The following PAICS variants were observed in gnomAD, a reference collection of about 807,000 sequenced individuals.
PAICS encodes phosphoribosylaminoimidazole carboxylase and phosphoribosylaminoimidazolesuccinocarboxamide synthase, also known as bifunctional phosphoribosylaminoimidazole carboxylase/phosphoribosylaminoimidazole succinocarboxamide synthetase.
In PAICS, 33 loss-of-function variants were observed where a neutral mutation model predicts 53.7. The observed-to-expected ratio is 0.61, with a 90% CI of 0.47 to 0.82. The LOEUF (loss-of-function observed/expected upper bound fraction) is 0.82. Among genes scored for constraint, PAICS ranks in the 40% least tolerant of loss-of-function variants. PAICS has a pLI of 0.00. For missense variants in PAICS, 394 were observed against 494.1 expected, an observed-to-expected ratio of 0.80 and a Z score of 1.92; for synonymous variants, 141 against 167.2, an observed-to-expected ratio of 0.84 and a Z score of 1.21.
rs1316488508 is a variant in PAICS at position 56,451,857 on chromosome 4, G to A, written c.772-15G>A. ...GTTTTTATGTTCTTTTCATATCCACGTATTTTTTCTTCAGTTGCTTTTGAA... is the reference window on the plus strand; with the variant it reads ...GTTTTTATGTTCTTTTCATATCCACATATTTTTTCTTCAGTTGCTTTTGAA... On this transcript the variant is annotated splice_polypyrimidine_tract_variant and intron_variant, in intron 6 of 8. Coordinates refer to ENST00000512576, the MANE Select transcript of PAICS (RefSeq NM_001079524.2). 16 of 1,495,608 alleles carry A rather than the reference G, an allele frequency of 1.1e-5. No homozygotes were observed. The highest frequency in any genetic ancestry group is 1.4e-5 in the African/African-American group (1 of 71,282). 92.6% of individuals were successfully genotyped at this position (1,495,608 alleles called of 1,614,324 possible).
At chr4:56,437,298 T>TGTGTGTGTG (rs1560655715) in intron 1 of PAICS, among the ~76,000 whole-genome samples, 21 of 147,830 alleles carry the variant, frequency 1.4e-4, no homozygotes, top group Non-Finnish European at 2.1e-4. Flanking sequence ...TGTGTGTGTG[T>TGTGTGTGTG]TCGTTCCAGT....
At chr4:56,439,704 G>C (rs924992273) in intron 1 of PAICS, among the ~76,000 whole-genome samples, 3 of 151,868 alleles carry the variant, frequency 2.0e-5, no homozygotes, top group African/African-American at 7.3e-5. Flanking sequence ...ACCCAGGCTT[G>C]AGTGAAATAG....
chr4:56,443,071 G>T lies in PAICS; in HGVS notation c.214+1211G>T, dbSNP rs993494522. ...CAGAATCTAAGATTTTTATTTCAAG[G>T]TTTCTTGATTGGTAGCTTCCCAATG... is the stretch of plus-strand genomic sequence containing the variant. On this transcript the variant is annotated intron_variant, in intron 2 of 8. Coordinates refer to ENST00000512576, the MANE Select transcript of PAICS (RefSeq NM_001079524.2). Among the ~76,000 whole-genome samples, 17 of 152,144 alleles carry T rather than the reference G, an allele frequency of 1.1e-4. 1 individual carries two copies. The highest frequency in any genetic ancestry group is 9.2e-4 in the Admixed American group (14 of 15,268).
At chr4:56,416,671 A>C in the PAICS span, among the ~76,000 whole-genome samples, 1 of 152,188 alleles carries the variant, frequency 6.6e-6, no homozygotes, top group Non-Finnish European at 1.5e-5. Flanking sequence ...TTACTCTTTA[A>C]ATATTATAAG....
Position 56,446,677 on chromosome 4 carries a change from T to C in PAICS, c.215-18T>C. 1 of 1,508,214 alleles carries C rather than the reference T, an allele frequency of 6.6e-7. No homozygotes were observed. Among genetic ancestry groups the C allele is most frequent in the Non-Finnish European group, 9.0e-7 (1 of 1,105,612 alleles). The allele number at this position is 1,508,214 out of a possible 1,614,324, so 93.4% of individuals were successfully genotyped here. A position where few individuals can be genotyped will look rare whatever the true frequency, so the allele number is the denominator to read the frequency against. ...TATCATTTCAATACCTTTTTTAACT[T>C]TGGTTATCAATATGTAGGTATTAAA... On this transcript the variant is annotated intron_variant, in intron 2 of 8. Coordinates refer to ENST00000512576, the MANE Select transcript of PAICS (RefSeq NM_001079524.2).
the PAICS span, among the ~76,000 whole-genome samples, chr4:56,430,730 G>A: frequency 2.0e-5 from 3 of 148,544 alleles, no homozygotes; most frequent in Non-Finnish European, 4.5e-5. Flanking sequence ...AGGGTTAACC[G>A]CACAAGAGTA....
rs1032225373 is a variant in PAICS at position 56,459,261 on chromosome 4, A to C, written c.1112-111A>C. On this transcript the variant is annotated intron_variant, in intron 8 of 8. Coordinates refer to ENST00000512576, the MANE Select transcript of PAICS (RefSeq NM_001079524.2). The stretch of plus-strand genomic sequence containing the variant: ...CTACTTTAGATTAGAATAATGCAGT[A>C]GCTTTTTATTTTCTGTGGCAGGACT... 5.0e-6 allele frequency: 3 copies of C among 603,026 alleles called. No individual in the cohort carries two copies. In the African/African-American group the frequency reaches 5.5e-5, roughly 11 times the overall value. The allele number at this position is 603,026 out of a possible 1,614,324, so 37.4% of individuals were successfully genotyped here. A position where few individuals can be genotyped will look rare whatever the true frequency, so the allele number is the denominator to read the frequency against.
At chr4:56,457,162 C>T (rs897593492) in intron 8 of PAICS, among the ~76,000 whole-genome samples, 5 of 152,190 alleles carry the variant, frequency 3.3e-5, no homozygotes, top group African/African-American at 7.2e-5. Context: ...CTTGGTGGCT[C>T]ATGCCTATAA....
intron 2 of PAICS, among the ~76,000 whole-genome samples, chr4:56,443,697 T>C (rs1718450817): frequency 6.6e-6 from 1 of 152,234 alleles, no homozygotes; most frequent in African/African-American, 2.4e-5. Context: ...TTTCTGAGTG[T>C]ATTTACACTC....
intron 7 of PAICS, among the ~76,000 whole-genome samples, chr4:56,453,294 A>G (rs1719008178): frequency 6.6e-6 from 1 of 152,158 alleles, no homozygotes; most frequent in South Asian, 2.1e-4. Context: ...TGGCCAGCCT[A>G]TACAGCAATA....
At chr4:56,435,556 C>G (rs1244792233), upstream of PAICS, 1 of 1,604,670 alleles carries the variant, frequency 6.2e-7, no homozygotes. Context: ...CTCGGCCCGT[C>G]GAGCTCAGAA....
chr4:56,453,202 A>G (rs988040470), intron 7 of PAICS, among the ~76,000 whole-genome samples: 16 of 152,178 alleles, frequency 1.1e-4, no homozygotes, highest in African/African-American at 3.4e-4. Flanking sequence ...CCCCTAGTTT[A>G]TATTAACTGG....
chr4:56,463,279 A>G lies in PAICS; in HGVS notation c.*3741A>G, dbSNP rs1307273218. On this transcript the variant is annotated 3_prime_UTR_variant, in exon 9 of 9. Coordinates refer to ENST00000512576, the MANE Select transcript of PAICS (RefSeq NM_001079524.2). Reference sequence around the variant, plus strand: ...AAATCAAGTTATAAAATGGAGCTAAATATTTCTTCTGCTTGCCTCTGAGTT... The same window carrying G: ...AAATCAAGTTATAAAATGGAGCTAAGTATTTCTTCTGCTTGCCTCTGAGTT... The G allele has an allele frequency of 6.6e-6, 1 of 152,050 alleles. No homozygotes were observed. Among genetic ancestry groups the G allele is most frequent in the Admixed American group, 6.6e-5 (1 of 15,254 alleles). The allele number at this position is 152,050 out of a possible 1,614,324, so 9.4% of individuals were successfully genotyped here.
chr4:56,445,849 C>G (rs1350018203), intron 2 of PAICS, among the ~76,000 whole-genome samples: 1 of 152,116 alleles, frequency 6.6e-6, no homozygotes, highest in African/African-American at 2.4e-5. Flanking sequence ...TATTTTAAAT[C>G]ATGTTAATGC....
chr4:56,441,943 G>T (rs1718367564), intron 2 of PAICS, 83 bp downstream of exon 2: 4 of 917,882 alleles, frequency 4.4e-6, no homozygotes, highest in Non-Finnish European at 6.4e-6. Context: ...GCATTAATAT[G>T]AACAACTTGT....
chr4:56,437,256 G>GT (rs1553941061), intron 1 of PAICS, among the ~76,000 whole-genome samples: 1 of 124,308 alleles, frequency 8.0e-6, no homozygotes, highest in Non-Finnish European at 1.7e-5. Context: ...ATGCCATGAT[G>GT]GTGTGTGTGT....
At position 56,459,824 on chromosome 4, in the gene PAICS, T is replaced by G. The variant is rs944152805; in HGVS notation, c.*286T>G. Reference sequence around the variant, plus strand: ...TATTGAGTTTCTTCCTTAACACTGATTAAATGATCTTAACTCCCTCAGCTA... The same window carrying G: ...TATTGAGTTTCTTCCTTAACACTGAGTAAATGATCTTAACTCCCTCAGCTA... On this transcript the variant is annotated 3_prime_UTR_variant, in exon 9 of 9. Coordinates refer to ENST00000512576, the MANE Select transcript of PAICS (RefSeq NM_001079524.2). The G allele has an allele frequency of 8.7e-6, 2 of 229,936 alleles. No individual in the cohort carries two copies. Among genetic ancestry groups the G allele is most frequent in the African/African-American group, 4.5e-5 (2 of 44,198 alleles). The allele number at this position is 229,936 out of a possible 1,614,324, so 14.2% of individuals were successfully genotyped here.
At chr4:56,418,986 T>C in the PAICS span, among the ~76,000 whole-genome samples, 1 of 152,236 alleles carries the variant, frequency 6.6e-6, no homozygotes, top group African/African-American at 2.4e-5. Flanking sequence ...CTTTCTGTAA[T>C]TTTCGCAAGG....
chr4:56,419,956 C>A, the PAICS span: 2 of 983,886 alleles, frequency 2.0e-6, no homozygotes, highest in Non-Finnish European at 2.4e-6. Flanking sequence ...ATTCTGGGAC[C>A]CAATAAAACA....
Sources: allele counts gnomAD v4.1 joint callset (sites outside exome capture counted in the v4.1 genomes callset), GRCh38; gene constraint gnomAD v4.1.1; transcripts MANE v1.5; gene names NCBI Gene and HGNC (gene_info 2026-07-23, HGNC 2026-07-21).